Variants in PUM1 observed in about 807,000 individuals in gnomAD.
PUM1 encodes the protein pumilio homolog 1.
In PUM1, 13 loss-of-function variants were observed where a neutral mutation model predicts 131.8. The ratio of observed to expected loss-of-function variants is 0.10; its 90% CI spans 0.06 to 0.16. The LOEUF is 0.16. PUM1 is among the 10% of genes least tolerant of loss of function. PUM1 has a pLI of 1.00. For missense variants in PUM1, 961 were observed against 1,512.4 expected (o/e 0.64, Z 6.05); for synonymous variants, 509 against 556.5 (o/e 0.91, Z 1.20).
At chr1:31,040,099 A>AGG (rs1643770242) in intron 2 of PUM1, among the ~76,000 whole-genome samples, 1 of 152,138 alleles carries the variant, frequency 6.6e-6, no homozygotes, top group Non-Finnish European at 1.5e-5. Context: ...TTTTTTAAAA[A>AGG]ATAGAGACAA....
chr1:30,972,265 A>G (rs866101036), intron 10 of PUM1, among the ~76,000 whole-genome samples: 32 of 6,036 alleles, frequency 5.3e-3, no homozygotes, highest in Non-Finnish European at 6.9e-3. Context: ...AAAGAAAAGA[A>G]AAGAAGGGAA....
At position 30,932,661 on chromosome 1, in the gene PUM1, A is replaced by AT. The variant is rs1245389479; in HGVS notation, c.*549dup. The AT allele has an allele frequency of 5.3e-5, 7 of 131,844 alleles. No homozygotes were observed. Among genetic ancestry groups the AT allele is most frequent in the Non-Finnish European group, 8.0e-5 (5 of 62,448 alleles). The allele number at this position is 131,844 out of a possible 1,614,324, so 8.2% of individuals were successfully genotyped here. On this transcript the variant is annotated 3_prime_UTR_variant, in exon 22 of 22. Coordinates refer to ENST00000426105, the MANE Select transcript of PUM1 (RefSeq NM_001020658.2). ...TCATTATATATATATATATATATATATATATTTTTTATAAACAGTGTTAAA... is the reference window on the plus strand; with the variant it reads ...TCATTATATATATATATATATATATATTATATTTTTTATAAACAGTGTTAAA...
intron 1 of PUM1, among the ~76,000 whole-genome samples, chr1:31,060,117 G>T (rs1361402194): frequency 6.6e-6 from 1 of 150,890 alleles, no homozygotes; most frequent in African/African-American, 2.4e-5. Flanking sequence ...GGAAGTGCTG[G>T]GATTACAGGC....
At chr1:31,058,531 G>A (rs192268979) in intron 2 of PUM1, among the ~76,000 whole-genome samples, 7 of 152,018 alleles carry the variant, frequency 4.6e-5, no homozygotes, top group African/African-American at 1.2e-4. Context: ...GGCATGGTGC[G>A]GGCACCTGTA....
intron 5 of PUM1, among the ~76,000 whole-genome samples, chr1:30,999,583 G>T (rs979106793): frequency 1.4e-4 from 16 of 116,348 alleles, no homozygotes. Context: ...CTCCAGCCTG[G>T]GTGACAGAGC....
chr1:30,947,995 A>C (rs1228675881), intron 17 of PUM1, among the ~76,000 whole-genome samples: 1 of 151,180 alleles, frequency 6.6e-6, no homozygotes, highest in Non-Finnish European at 1.5e-5. Context: ...AGCTGAGACT[A>C]TAGGAGTGCA....
At chr1:30,969,316 C>CAAAAAAAAAAAAAAAAAAAAAAAA (rs763999971) in intron 10 of PUM1, among the ~76,000 whole-genome samples, 1 of 51,182 alleles carries the variant, frequency 2.0e-5, no homozygotes, top group African/African-American at 7.4e-5. Flanking sequence ...AACACACACA[C>CAAAAAAAAAAAAAAAAAAAAAAAA]AAAAAAAAAA....
intron 7 of PUM1, among the ~76,000 whole-genome samples, chr1:30,991,091 T>C (rs1282654690): frequency 1.3e-5 from 2 of 151,546 alleles, no homozygotes; most frequent in African/African-American, 4.9e-5. Context: ...GAGAGAACCA[T>C]ATATTTTTGT....
chr1:31,017,283 T>A (rs755883955), intron 3 of PUM1, among the ~76,000 whole-genome samples: 3 of 152,104 alleles, frequency 2.0e-5, no homozygotes. Flanking sequence ...CACTGCCTAA[T>A]AATGGAGTAT....
chr1:30,953,894 A>G lies in PUM1; in HGVS notation c.2411T>C (p.Leu804Pro). Residue 804 changes from leucine (L) to proline (P), a missense_variant, in exon 15 of 22, where the codon CTC becomes CCC. Physicochemically the swap from Leu to Pro is moderately conservative, Grantham distance 98. This residue lies in a region of PUM1 where 117 missense variants were observed against 200.7 expected (regional missense o/e 0.58). Transcript: ENST00000426105. The part of the protein sequence containing the change: ...KYRSASSASS[L>P]FSPSSTLFSS... The stretch of plus-strand genomic sequence containing the variant: ...GAAAAGAGTGCTGCTCGGGCTGAAG[A>G]GGCTGGAGGCGCTGCTTGCACTGCG... 1 of 1,614,242 alleles carries G rather than the reference A, an allele frequency of 6.2e-7. No individual in the cohort carries two copies.
intron 2 of PUM1, among the ~76,000 whole-genome samples, chr1:31,038,723 G>C (rs1643698228): frequency 6.6e-6 from 1 of 151,556 alleles, no homozygotes; most frequent in Non-Finnish European, 1.5e-5. Flanking sequence ...GACTTTTCTG[G>C]ACATCTGACA....
intron 2 of PUM1, among the ~76,000 whole-genome samples, chr1:31,057,039 C>G (rs537585251): frequency 6.6e-6 from 1 of 152,230 alleles, no homozygotes; most frequent in African/African-American, 2.4e-5. Context: ...GTGATCCACC[C>G]ACCTCGGCCT....
intron 2 of PUM1, among the ~76,000 whole-genome samples, chr1:31,045,890 T>C (rs1643945560): frequency 6.6e-6 from 1 of 152,092 alleles, no homozygotes; most frequent in South Asian, 2.1e-4. Flanking sequence ...AAGACCAGCC[T>C]GGTCAACATG....
Position 30,952,224 on chromosome 1 carries a change from A to T in PUM1, c.2721+10T>A, listed in dbSNP as rs1639965065. ...TCTTAAGTCAAAGGATAGAAAGAAC[A>T]AAGGCTTACTTCAAAGAACTTCTGA... On this transcript the variant is annotated intron_variant, in intron 16 of 21. Transcript: ENST00000426105. 1 of 1,613,290 alleles carries T rather than the reference A, an allele frequency of 6.2e-7. No homozygotes were observed. Among genetic ancestry groups the T allele is most frequent in the Non-Finnish European group, 8.5e-7 (1 of 1,179,358 alleles).
chr1:31,046,445 C>A (rs57389409), intron 2 of PUM1, among the ~76,000 whole-genome samples: 10,753 of 150,520 alleles, frequency 0.071, 643 homozygotes, highest in East Asian at 0.28. Context: ...AAACATGAAG[C>A]GCATTCCTCT....
At chr1:31,042,103 G>A (rs895856642) in intron 2 of PUM1, among the ~76,000 whole-genome samples, 4 of 152,086 alleles carry the variant, frequency 2.6e-5, no homozygotes, top group African/African-American at 4.8e-5. Flanking sequence ...TCAGGAGTTC[G>A]AGACCAGCCT....
rs2124368336 is a variant in PUM1, at chr1:30,932,964, TA to T, written c.*246del. 1 of 393,034 alleles carries T rather than the reference TA, an allele frequency of 2.5e-6. No individual in the cohort carries two copies. Among genetic ancestry groups the T allele is most frequent in the East Asian group, 5.7e-5 (1 of 17,658 alleles). 24.3% of individuals were successfully genotyped at this position (393,034 alleles called of 1,614,324 possible). ...ATTGGTTACCTATGTACAAGTATCC[TA>T]TACACCAGTAAAACAGCAGGGCAAT... is the stretch of plus-strand genomic sequence containing the variant. On this transcript the variant is annotated 3_prime_UTR_variant, in exon 22 of 22. Coordinates refer to ENST00000426105, the MANE Select transcript of PUM1 (RefSeq NM_001020658.2).
intron 3 of PUM1, among the ~76,000 whole-genome samples, chr1:31,018,701 CAG>C (rs1455655825): frequency 6.6e-6 from 1 of 151,986 alleles, no homozygotes; most frequent in East Asian, 1.9e-4. Context: ...CTATAAATTT[CAG>C]AAGAGTCATT....
At chr1:31,031,370 G>A (rs940750629) in intron 2 of PUM1, among the ~76,000 whole-genome samples, 1 of 152,142 alleles carries the variant, frequency 6.6e-6, no homozygotes, top group Admixed American at 6.6e-5. Context: ...AACTAAGTAG[G>A]AGGAGTAAGA....
Sources: gnomAD v4.1 joint callset for allele counts (sites outside exome capture counted in the v4.1 genomes callset) on GRCh38, gnomAD v4.1.1 for gene constraint, gnomAD v4.1.1 regional missense constraint, MANE v1.5 for transcripts, NCBI Gene and HGNC (gene_info 2026-07-23, HGNC 2026-07-21) for gene names.